ITGA8: variants seen among roughly 807,000 people sequenced by gnomAD.
ITGA8 encodes the protein integrin alpha-8.
ITGA8 carries 91 observed loss-of-function variants against 142.3 expected under a neutral mutation model. The observed-to-expected ratio is 0.64, with a 90% confidence interval of 0.54 to 0.76. The LOEUF is 0.76. Ranked by LOEUF, ITGA8 falls within the 30% of genes least tolerant of loss-of-function variation. The pLI is 0.00. For missense variants in ITGA8, 1,406 were observed against 1,327.7 expected, an observed-to-expected ratio of 1.06 and a Z score of -0.92; for synonymous variants, 505 against 485.2, an observed-to-expected ratio of 1.04 and a Z score of -0.54.
intron 26 of ITGA8, among the ~76,000 whole-genome samples, chr10:15,550,822 G>T (rs534963424): frequency 3.0e-4 from 45 of 152,022 alleles, no homozygotes; most frequent in African/African-American, 1.1e-3. Context: ...ATTTTAGAGG[G>T]ATGGGTAATA....
intron 24 of ITGA8, 72 bp from the exon 25 acceptor site, chr10:15,572,441 T>TA: frequency 3.1e-6 from 4 of 1,309,942 alleles, no homozygotes. Flanking sequence ...CCATATACTC[T>TA]ATACCCATTT....
intron 8 of ITGA8, among the ~76,000 whole-genome samples, chr10:15,666,770 A>C (rs1834402429): frequency 6.6e-6 from 1 of 152,168 alleles, no homozygotes; most frequent in Non-Finnish European, 1.5e-5. Flanking sequence ...GCATCTATTG[A>C]GATAATCATG....
chr10:15,662,981 T>G (rs1323260942), intron 8 of ITGA8, among the ~76,000 whole-genome samples: 1 of 152,202 alleles, frequency 6.6e-6, no homozygotes, highest in African/African-American at 2.4e-5. Flanking sequence ...AAGAAAGCTA[T>G]GGATCCTCTC....
intron 15 of ITGA8, 132 bp from the exon 16 acceptor site, chr10:15,608,422 C>T (rs2131611665): frequency 3.6e-6 from 2 of 555,494 alleles, no homozygotes; most frequent in East Asian, 6.4e-5. Context: ...CACACACACA[C>T]ACCCACACAC....
rs1833395911 is a variant in ITGA8, at chr10:15,616,578, CAG to C, written c.1400-21_1400-20del. 1 of 1,607,904 alleles carries C rather than the reference CAG, an allele frequency of 6.2e-7. No homozygotes were observed. The highest frequency in any genetic ancestry group is 1.3e-5 in the African/African-American group (1 of 74,930). ...ATCAAATCTTAAAAAGACAAAAACA[CAG>C]AACACATGCGTGAATCGTATAGAAA... On this transcript the variant is annotated intron_variant, in intron 13 of 29. Coordinates refer to ENST00000378076, the MANE Select transcript of ITGA8 (RefSeq NM_003638.3).
intron 24 of ITGA8, 135 bp from the exon 25 acceptor site, chr10:15,572,504 T>A: frequency 1.3e-6 from 1 of 782,632 alleles, no homozygotes; most frequent in Non-Finnish European, 1.9e-6. Flanking sequence ...CTATGGAAAA[T>A]AAGAAAATTC....
chr10:15,680,070 A>G (rs1834706454), intron 4 of ITGA8, among the ~76,000 whole-genome samples: 1 of 152,180 alleles, frequency 6.6e-6, no homozygotes, highest in Admixed American at 6.5e-5. Context: ...GGAAATATTG[A>G]TGACTGGGCA....
rs1834677678 is a variant in ITGA8 at position 15,678,663 on chromosome 10, G to T, written c.630+59C>A. ...TGGTTTTGGGGTGTGGGAGTGAGAG[G>T]CAGAGGGTAAAAAAAAATCAGATTA... On this transcript the variant is annotated intron_variant, in intron 5 of 29. Transcript: ENST00000378076. 13 of 1,156,052 alleles carry T rather than the reference G, an allele frequency of 1.1e-5. No individual in the cohort carries two copies. The South Asian group carries it at 1.5e-4, about 13-fold the overall frequency. 71.6% of individuals were successfully genotyped at this position (1,156,052 alleles called of 1,614,324 possible). A position where few individuals can be genotyped will look rare whatever the true frequency, so the allele number is the denominator to read the frequency against.
chr10:15,598,127 C>T (rs1833039447), intron 20 of ITGA8, among the ~76,000 whole-genome samples: 1 of 152,070 alleles, frequency 6.6e-6, no homozygotes, highest in South Asian at 2.1e-4. Context: ...GCCATAGCTA[C>T]TTACATTTTT....
At chr10:15,711,982 A>G (rs1021930693) in intron 2 of ITGA8, among the ~76,000 whole-genome samples, 1 of 152,310 alleles carries the variant, frequency 6.6e-6, no homozygotes. Context: ...ATAGCAGTCC[A>G]TAGCTGGTGT....
At position 15,516,386 on chromosome 10, in the gene ITGA8, A is replaced by C. The variant is rs1832961475; in HGVS notation, c.*772T>G. ...AAGGTATTAAATAGAACTGATTCCT[A>C]ATGCCAATCTTCCTTTCCTTAGCAC... is the stretch of plus-strand genomic sequence containing the variant. On this transcript the variant is annotated 3_prime_UTR_variant, in exon 30 of 30. Transcript: ENST00000378076. The C allele has an allele frequency of 6.6e-6, 1 of 152,218 alleles. No homozygotes were observed. The highest frequency in any genetic ancestry group is 6.5e-5 in the Admixed American group (1 of 15,280). The allele number at this position is 152,218 out of a possible 1,614,324, so 9.4% of individuals were successfully genotyped here. A position where few individuals can be genotyped will look rare whatever the true frequency, so the allele number is the denominator to read the frequency against.
intron 13 of ITGA8, among the ~76,000 whole-genome samples, chr10:15,622,227 G>A (rs1833503257): frequency 6.6e-6 from 1 of 152,014 alleles, no homozygotes; most frequent in Non-Finnish European, 1.5e-5. Context: ...AGTCTCTGTG[G>A]CCACCCAAGC....
intron 22 of ITGA8, among the ~76,000 whole-genome samples, chr10:15,591,733 G>C (rs574139398): frequency 6.6e-6 from 1 of 152,126 alleles, no homozygotes; most frequent in African/African-American, 2.4e-5. Flanking sequence ...GCTAGAGAAG[G>C]GCTTGCCCTC....
Position 15,599,323 on chromosome 10 carries a change from T to C in ITGA8, c.2119-2024A>G, listed in dbSNP as rs545006738. On this transcript the variant is annotated intron_variant, in intron 20 of 29. Transcript: ENST00000378076. ...TCTGGGACATTCTTGTTCTAATCCA[T>C]TTATAGCTCTTAGAGTGTTCTTCAT... Among the ~76,000 whole-genome samples the C allele has an allele frequency of 1.1e-3, 168 of 152,254 alleles. 1 individual carries two copies. Among genetic ancestry groups the C allele is most frequent in the African/African-American group, 3.9e-3 (163 of 41,556 alleles).
chr10:15,690,500 C>A (rs1834914379), intron 2 of ITGA8, among the ~76,000 whole-genome samples: 1 of 152,052 alleles, frequency 6.6e-6, no homozygotes, highest in Admixed American at 6.5e-5. Flanking sequence ...TCTACCCACA[C>A]CTGAAGAGTG....
At chr10:15,538,991 A>G (rs1165288617) in intron 27 of ITGA8, among the ~76,000 whole-genome samples, 1 of 144,692 alleles carries the variant, frequency 6.9e-6, no homozygotes, top group African/African-American at 2.6e-5. Flanking sequence ...ACGTTTCCTT[A>G]GAAGACAAGG....
intron 26 of ITGA8, 136 bp downstream of exon 26, chr10:15,557,938 A>C: frequency 9.1e-7 from 1 of 1,097,282 alleles, no homozygotes; most frequent in Non-Finnish European, 1.3e-6. Context: ...TCTCGAGATA[A>C]ACACTGCCAA....
chr10:15,529,525 C>T (rs1008755363), intron 28 of ITGA8, among the ~76,000 whole-genome samples: 2 of 152,192 alleles, frequency 1.3e-5, no homozygotes, highest in African/African-American at 4.8e-5. Flanking sequence ...AAGCTCTCAA[C>T]CCTGGCTCCC....
At chr10:15,577,564 A>T (rs1228975954) in intron 23 of ITGA8, among the ~76,000 whole-genome samples, 1 of 152,168 alleles carries the variant, frequency 6.6e-6, no homozygotes, top group African/African-American at 2.4e-5. Flanking sequence ...TCAAAACATC[A>T]TGTCAAAATC....
Sources: gnomAD v4.1 joint callset for allele counts (sites outside exome capture counted in the v4.1 genomes callset) on GRCh38, gnomAD v4.1.1 for gene constraint, MANE v1.5 for transcripts, NCBI Gene and HGNC (gene_info 2026-07-23, HGNC 2026-07-21) for gene names.